Variants in ATP13A3 observed in about 807,000 individuals in gnomAD.
ATP13A3 encodes the protein ATPase 13A3, also known as polyamine-transporting ATPase 13A3.
In ATP13A3, 59 loss-of-function variants were observed where a neutral mutation model predicts 158.1. That is an observed-to-expected ratio of 0.37 (90% CI 0.30 to 0.46). ATP13A3 has a LOEUF of 0.46. Ranked by LOEUF, ATP13A3 falls within the 20% of genes least tolerant of loss-of-function variation. The pLI is 1.00. For synonymous variants in ATP13A3, 491 were observed against 504.3 expected, an observed-to-expected ratio of 0.97 and a Z score of 0.35; for missense variants, 1,166 against 1,525.2, an observed-to-expected ratio of 0.76 and a Z score of 3.92.
chr3:194,469,004 T>G (rs544958953), intron 2 of ATP13A3, among the ~76,000 whole-genome samples: 40 of 151,258 alleles, frequency 2.6e-4, no homozygotes, highest in African/African-American at 9.7e-4. Flanking sequence ...CAAGGTAGCA[T>G]GCGCCTGTAA....
At chr3:194,437,986 C>T (rs1397464982) in intron 17 of ATP13A3, among the ~76,000 whole-genome samples, 1 of 152,114 alleles carries the variant, frequency 6.6e-6, no homozygotes, top group Non-Finnish European at 1.5e-5. Context: ...ATGGTGAAAC[C>T]CCATCTCTAC....
intron 7 of ATP13A3, among the ~76,000 whole-genome samples, chr3:194,456,736 G>A (rs942601742): frequency 4.6e-5 from 7 of 151,956 alleles, no homozygotes; most frequent in Non-Finnish European, 1.0e-4. Context: ...CAATTGTAAG[G>A]CATACCATTA....
intron 10 of ATP13A3, among the ~76,000 whole-genome samples, chr3:194,453,345 C>A (rs1371467287): frequency 1.4e-5 from 2 of 145,712 alleles, no homozygotes; most frequent in African/African-American, 5.1e-5. Context: ...GTAATCCCAA[C>A]ACTTTGGGAG....
At chr3:194,462,353 C>G in intron 2 of ATP13A3, 117 bp from the exon 3 acceptor site, 1 of 642,340 alleles carries the variant, frequency 1.6e-6, no homozygotes, top group Non-Finnish European at 2.7e-6. Flanking sequence ...GGTCACGGAC[C>G]TGTTAGGAAC....
chr3:194,414,835 A>C (rs191796534), intron 31 of ATP13A3, among the ~76,000 whole-genome samples: 10 of 152,304 alleles, frequency 6.6e-5, no homozygotes, highest in African/African-American at 2.2e-4. Context: ...AAATTGAGGG[A>C]TCTGTTGGGT....
At position 194,454,315 on chromosome 3, in the gene ATP13A3, T is replaced by G. The variant is rs368460349; in HGVS notation, c.708A>C (p.Leu236=). The part of the protein sequence containing the change: ...WSTDEYYYYA[L]AIVVMSIVSI... ...ATACTATGGACATAACCACAATAGC[T>G]AGAGCATAGTAATAGTATTCATCAG... Residue 236 remains leucine, a synonymous_variant, in exon 9 of 34, where the codon CTA becomes CTC. Coordinates refer to ENST00000645319, the MANE Select transcript of ATP13A3 (RefSeq NM_001367549.1). The G allele has an allele frequency of 1.2e-6, 2 of 1,606,580 alleles. No homozygotes were observed. The highest frequency in any genetic ancestry group is 1.7e-6 in the Non-Finnish European group (2 of 1,173,416).
chr3:194,459,619 CTA>C (rs1407004107), intron 5 of ATP13A3, 78 bp from the exon 6 acceptor site: 16 of 1,236,990 alleles, frequency 1.3e-5, no homozygotes, highest in Admixed American at 2.0e-5. Context: ...CTATTAACAG[CTA>C]TATATAGGAT....
chr3:194,420,123 A>G (rs1323810523), intron 30 of ATP13A3, 156 bp from the exon 31 acceptor site: 1 of 747,660 alleles, frequency 1.3e-6, no homozygotes, highest in East Asian at 4.3e-5. Context: ...TATCTCCTGG[A>G]GTATGAGACA....
chr3:194,478,399 C>T (rs1720615016), intron 2 of ATP13A3, among the ~76,000 whole-genome samples: 1 of 151,842 alleles, frequency 6.6e-6, no homozygotes, highest in Non-Finnish European at 1.5e-5. Context: ...ATCTCTTGAT[C>T]TAAGACCAGA....
intron 28 of ATP13A3, 44 bp downstream of exon 28, chr3:194,428,801 A>C: frequency 7.1e-7 from 1 of 1,405,370 alleles, no homozygotes; most frequent in Non-Finnish European, 9.9e-7. Context: ...GTCACATCAG[A>C]ATTTCATACA....
intron 2 of ATP13A3, among the ~76,000 whole-genome samples, chr3:194,473,429 C>T (rs1254156386): frequency 1.3e-5 from 2 of 150,116 alleles, no homozygotes; most frequent in African/African-American, 4.9e-5. Context: ...CAGAACAAGA[C>T]GATGTATTTA....
At chr3:194,471,276 G>A (rs1720289097) in intron 2 of ATP13A3, among the ~76,000 whole-genome samples, 1 of 139,344 alleles carries the variant, frequency 7.2e-6, no homozygotes, top group African/African-American at 2.7e-5. Flanking sequence ...TTTTGGCCCA[G>A]CTGAAAAAGC....
intron 6 of ATP13A3, among the ~76,000 whole-genome samples, chr3:194,458,328 C>G (rs7622611): frequency 0.11 from 16,206 of 151,156 alleles, 1,088 homozygotes; most frequent in South Asian, 0.26. Flanking sequence ...GCAGCAGGGG[C>G]CAGTGCCAAG....
At chr3:194,459,686 T>C in intron 5 of ATP13A3, 103 bp downstream of exon 5, 3 of 1,283,148 alleles carry the variant, frequency 2.3e-6, no homozygotes, top group South Asian at 1.5e-5. Flanking sequence ...GGTAAATTTA[T>C]CTCAAGCATT....
At chr3:194,411,126 C>A (rs146179661) in intron 33 of ATP13A3, among the ~76,000 whole-genome samples, 1 of 151,516 alleles carries the variant, frequency 6.6e-6, no homozygotes, top group Non-Finnish European at 1.5e-5. Flanking sequence ...CATTAGAAAA[C>A]GGAAATGGTA....
chr3:194,492,419 G>GTA (rs1721156828), intron 2 of ATP13A3, among the ~76,000 whole-genome samples: 1 of 151,448 alleles, frequency 6.6e-6, no homozygotes, highest in Non-Finnish European at 1.5e-5. Flanking sequence ...GGATAAAAGG[G>GTA]TATAGTATTT....
rs1166917532 is a variant in ATP13A3, at chr3:194,431,036, T to C, written c.2545-14A>G. Reference sequence around the variant, plus strand: ...ATGCAACATCAACTGGAAACAATAATACAAATTTTTTTAAAATACTGTTGC... The same window carrying C: ...ATGCAACATCAACTGGAAACAATAACACAAATTTTTTTAAAATACTGTTGC... On this transcript the variant is annotated splice_polypyrimidine_tract_variant and intron_variant, in intron 23 of 33. Transcript: ENST00000645319. 7.4e-6 allele frequency: 12 copies of C among 1,613,330 alleles called. No individual in the cohort carries two copies. The African/African-American group carries it at 1.3e-4, about 18-fold the overall frequency.
At position 194,448,557 on chromosome 3, in the gene ATP13A3, A is replaced by G; in HGVS notation, c.1050T>C (p.Asn350=). 6.2e-7 allele frequency: 1 copy of G among 1,614,006 alleles called. No individual in the cohort carries two copies. The highest frequency in any genetic ancestry group is 8.5e-7 in the Non-Finnish European group (1 of 1,179,918). ...AAGTATGTCGTTTATGTGTTTCTGG[A>G]TTATATAATTCATCTCCTATTCCTT... ...DVKGIGDELY[N]PETHKRHTLF... Residue 350 remains asparagine (N), a synonymous_variant, in exon 12 of 34, where the codon AAT becomes AAC. Coordinates refer to ENST00000645319, the MANE Select transcript of ATP13A3 (RefSeq NM_001367549.1). The surrounding 1 kb of genome is among the most constrained non-coding windows in gnomAD (Gnocchi z 4.0).
Position 194,446,912 on chromosome 3 carries a change from T to G in ATP13A3, c.1497+15A>C. On this transcript the variant is annotated intron_variant, in intron 14 of 33. Transcript: ENST00000645319. ...ACGAAGTAACCTTTGAAAGTAACTA[T>G]GAAACTGAACCCACCTTGTCAAAGC... is the stretch of plus-strand genomic sequence containing the variant. 6.3e-7 allele frequency: 1 copy of G among 1,578,244 alleles called. No homozygotes were observed. The highest frequency in any genetic ancestry group is 8.6e-7 in the Non-Finnish European group (1 of 1,165,886).
Sources: gnomAD v4.1 joint callset for allele counts (sites outside exome capture counted in the v4.1 genomes callset) on GRCh38, gnomAD v4.1.1 for gene constraint, Gnocchi (gnomAD v3.1) non-coding constraint, MANE v1.5 for transcripts, NCBI Gene and HGNC (gene_info 2026-07-23, HGNC 2026-07-21) for gene names.